UBALD2: variants seen among roughly 807,000 people sequenced by gnomAD.
UBALD2 encodes the protein UBA like domain containing 2.
A neutral mutation model predicts 15.9 loss-of-function variants in UBALD2; 8 were observed. The observed-to-expected ratio is 0.50, with a 90% CI of 0.29 to 0.91. UBALD2 has a LOEUF of 0.91. Ranked by LOEUF, UBALD2 falls within the 40% of genes least tolerant of loss-of-function variation. The pLI is 0.07. For synonymous variants in UBALD2, 113 were observed against 97.7 expected, an observed-to-expected ratio of 1.16 and a Z score of -0.93; for missense variants, 178 against 234.8, an observed-to-expected ratio of 0.76 and a Z score of 1.58.
chr17:76,270,061 T>G, intron 2 of UBALD2, 133 bp from the exon 3 acceptor site: 1 of 900,564 alleles, frequency 1.1e-6, no homozygotes. Context: ...ACTTTTGTCC[T>G]GTGGAAGCTG....
Position 76,271,281 on chromosome 17 carries a change from A to G in UBALD2, c.*776A>G, listed in dbSNP as rs1403057343. On this transcript the variant is annotated 3_prime_UTR_variant, in exon 3 of 3. Coordinates refer to ENST00000327490, the MANE Select transcript of UBALD2 (RefSeq NM_182565.4). ...GAAATTTTAATTTAAAAACTTAAAA[A>G]GAGACTTTTCTAACTTCCCTGGTTT... 10 of 152,262 alleles carry G rather than the reference A, an allele frequency of 6.6e-5. No individual in the cohort carries two copies. The highest frequency in any genetic ancestry group is 6.5e-4 in the Admixed American group (10 of 15,288). 9.4% of individuals were successfully genotyped at this position (152,262 alleles called of 1,614,324 possible). A position where few individuals can be genotyped will look rare whatever the true frequency, so the allele number is the denominator to read the frequency against.
intron 2 of UBALD2, 43 bp from the exon 3 acceptor site, chr17:76,270,151 G>C (rs1385117518): frequency 3.8e-6 from 6 of 1,592,550 alleles, no homozygotes; most frequent in Non-Finnish European, 5.1e-6. Context: ...GTGGCTCGGG[G>C]ACCCCCGAGG....
At position 76,270,112 on chromosome 17, in the gene UBALD2, G is replaced by A. The variant is rs1316090940; in HGVS notation, c.184-82G>A. 2.1e-5 allele frequency: 30 copies of A among 1,417,610 alleles called. No individual in the cohort carries two copies. In the East Asian group the frequency reaches 6.9e-4, roughly 33 times the overall value. 87.8% of individuals were successfully genotyped at this position (1,417,610 alleles called of 1,614,324 possible). On this transcript the variant is annotated intron_variant, in intron 2 of 2. Coordinates refer to ENST00000327490, the MANE Select transcript of UBALD2 (RefSeq NM_182565.4). ...ATGAAGCTGAAAAATGGGAGTAAAG[G>A]AGCGGCTGGCCTGGGTAAGCCCCAT...
chr17:76,268,827 G>T (rs1040601182), intron 2 of UBALD2, among the ~76,000 whole-genome samples: 1 of 143,394 alleles, frequency 7.0e-6, no homozygotes, highest in Non-Finnish European at 1.5e-5. Flanking sequence ...TCCACCTCCC[G>T]GGTTCAAGTG....
In UBALD2 at chr17:76,270,650, G is replaced by GT. The variant is rs1375806795; in HGVS notation, c.*146dup. 9.2e-5 allele frequency: 74 copies of GT among 803,472 alleles called. No individual in the cohort carries two copies. The highest frequency in any genetic ancestry group is 1.2e-4 in the Non-Finnish European group (69 of 557,708). 49.8% of individuals were successfully genotyped at this position (803,472 alleles called of 1,614,324 possible). On this transcript the variant is annotated 3_prime_UTR_variant, in exon 3 of 3. Transcript: ENST00000327490. ...AGATTTTATAAAAGAATTTTTGTGG[G>GT]TCGGGGGGACAGTAAACTTCCTGGG...
chr17:76,270,578 A>C lies in UBALD2; in HGVS notation c.*73A>C. On this transcript the variant is annotated 3_prime_UTR_variant, in exon 3 of 3. Coordinates refer to ENST00000327490, the MANE Select transcript of UBALD2 (RefSeq NM_182565.4). ...TTGTGGGGACACAGGAGGGCCAGGG[A>C]GGGGGGAGCCGGGGAGGGCAGGGGG... The C allele has an allele frequency of 1.8e-6, 2 of 1,113,058 alleles. No homozygotes were observed. The highest frequency in any genetic ancestry group is 1.9e-5 in the South Asian group (1 of 53,442). 68.9% of individuals were successfully genotyped at this position (1,113,058 alleles called of 1,614,324 possible). A position where few individuals can be genotyped will look rare whatever the true frequency, so the allele number is the denominator to read the frequency against.
chr17:76,270,643 T>C lies in UBALD2; in HGVS notation c.*138T>C. The C allele has an allele frequency of 1.1e-6, 1 of 878,346 alleles. No homozygotes were observed. The highest frequency in any genetic ancestry group is 1.6e-6 in the Non-Finnish European group (1 of 625,364). The allele number at this position is 878,346 out of a possible 1,614,324, so 54.4% of individuals were successfully genotyped here. ...CACTGGAAGATTTTATAAAAGAATT[T>C]TTGTGGGTCGGGGGGACAGTAAACT... On this transcript the variant is annotated 3_prime_UTR_variant, in exon 3 of 3. Coordinates refer to ENST00000327490, the MANE Select transcript of UBALD2 (RefSeq NM_182565.4).
At chr17:76,270,114 G>T in intron 2 of UBALD2, 80 bp from the exon 3 acceptor site, 1 of 1,438,446 alleles carries the variant, frequency 7.0e-7, no homozygotes, top group South Asian at 1.2e-5. Context: ...GAGTAAAGGA[G>T]CGGCTGGCCT....
In UBALD2 at chr17:76,270,543, C is replaced by T; in HGVS notation, c.*38C>T. On this transcript the variant is annotated 3_prime_UTR_variant, in exon 3 of 3. Coordinates refer to ENST00000327490, the MANE Select transcript of UBALD2 (RefSeq NM_182565.4). Reference sequence around the variant, plus strand: ...CCGGGCGCTGGGCTGGAGCTGGGGGCAGCCCAGGGTTGTGGGGACACAGGA... The same window carrying T: ...CCGGGCGCTGGGCTGGAGCTGGGGGTAGCCCAGGGTTGTGGGGACACAGGA... 1 of 1,426,874 alleles carries T rather than the reference C, an allele frequency of 7.0e-7. No homozygotes were observed. The highest frequency in any genetic ancestry group is 9.1e-7 in the Non-Finnish European group (1 of 1,094,546). The allele number at this position is 1,426,874 out of a possible 1,614,324, so 88.4% of individuals were successfully genotyped here. A position where few individuals can be genotyped will look rare whatever the true frequency, so the allele number is the denominator to read the frequency against.
chr17:76,270,583 G>A lies in UBALD2; in HGVS notation c.*78G>A, dbSNP rs958561014. ...GGGACACAGGAGGGCCAGGGAGGGG[G>A]GAGCCGGGGAGGGCAGGGGGTTTCC... is the stretch of plus-strand genomic sequence containing the variant. On this transcript the variant is annotated 3_prime_UTR_variant, in exon 3 of 3. Coordinates refer to ENST00000327490, the MANE Select transcript of UBALD2 (RefSeq NM_182565.4). The A allele has an allele frequency of 1.4e-5, 18 of 1,270,324 alleles. No individual in the cohort carries two copies. The highest frequency in any genetic ancestry group is 1.8e-5 in the South Asian group (1 of 56,102). 78.7% of individuals were successfully genotyped at this position (1,270,324 alleles called of 1,614,324 possible). A position where few individuals can be genotyped will look rare whatever the true frequency, so the allele number is the denominator to read the frequency against.
rs758209833 is a variant in UBALD2 at position 76,270,269 on chromosome 17, G to A, written c.259G>A (p.Ala87Thr). Residue 87 changes from alanine (A) to threonine (T), a missense_variant, in exon 3 of 3, where the codon GCC (alanine) becomes ACC (threonine). Ala to Thr is a moderately conservative substitution (Grantham distance 58). Transcript: ENST00000327490. ...DALAMFSKLR[A>T]SEGLQSSNSP... ...GCTGGCCATGTTCTCCAAGCTCCGCGCCTCCGAGGGCCTGCAGAGCAGCAA... is the reference window on the plus strand; with the variant it reads ...GCTGGCCATGTTCTCCAAGCTCCGCACCTCCGAGGGCCTGCAGAGCAGCAA... The A allele has an allele frequency of 9.9e-6, 16 of 1,611,888 alleles. No homozygotes were observed. The African/African-American group carries it at 1.7e-4, about 17-fold the overall frequency.
intron 2 of UBALD2, among the ~76,000 whole-genome samples, chr17:76,268,846 G>T (rs1028240888): frequency 1.3e-5 from 2 of 151,208 alleles, no homozygotes; most frequent in Admixed American, 1.3e-4. Context: ...TGATTCTCCG[G>T]CCTCAACCTC....
chr17:76,270,068 G>T, intron 2 of UBALD2, 126 bp from the exon 3 acceptor site: 4 of 963,286 alleles, frequency 4.2e-6, no homozygotes, highest in Non-Finnish European at 6.2e-6. Context: ...TCCTGTGGAA[G>T]CTGCTTGTGC....
chr17:76,270,132 C>A, intron 2 of UBALD2, 62 bp from the exon 3 acceptor site: 1 of 1,562,502 alleles, frequency 6.4e-7, no homozygotes, highest in Admixed American at 1.7e-5. Context: ...CCTGGGTAAG[C>A]CCCATCCAGT....
rs1312064673 is a variant in UBALD2 at position 76,269,430 on chromosome 17, GT to G, written c.184-761del. 6.6e-6 allele frequency among the ~76,000 whole-genome samples: 1 copy of G among 152,094 alleles called. No homozygotes were observed. The highest frequency in any genetic ancestry group is 1.9e-4 in the East Asian group (1 of 5,188). ...CAGACACAGGACATTGAAATCCCTG[GT>G]TTGTGTCCTCAAGGGGCCCAGATAT... On this transcript the variant is annotated intron_variant, in intron 2 of 2. Transcript: ENST00000327490. This position sits in a 1 kb window ranked among gnomAD's most constrained non-coding sequence, Gnocchi z 4.6.
Position 76,269,795 on chromosome 17 carries a change from C to T in UBALD2, c.184-399C>T, listed in dbSNP as rs1568097028. Among the ~76,000 whole-genome samples, 1 of 152,152 alleles carries T rather than the reference C, an allele frequency of 6.6e-6. No homozygotes were observed. The highest frequency in any genetic ancestry group is 2.4e-5 in the African/African-American group (1 of 41,438). On this transcript the variant is annotated intron_variant, in intron 2 of 2. Transcript: ENST00000327490. The surrounding 1 kb of genome is among the most constrained non-coding windows in gnomAD (Gnocchi z 4.6). ...CTGGCCGCTCTCCCTTGCCTAGCAG[C>T]CTGGGAGCATCTGAGGGTGGCTGGT... is the stretch of plus-strand genomic sequence containing the variant.
At position 76,270,754 on chromosome 17, in the gene UBALD2, TA is replaced by T; in HGVS notation, c.*252del. ...TATAACTATAATATATATGAATAGA[TA>T]AATATAACTAATGTGCGTGAGAATG... On this transcript the variant is annotated 3_prime_UTR_variant, in exon 3 of 3. Coordinates refer to ENST00000327490, the MANE Select transcript of UBALD2 (RefSeq NM_182565.4). 3.0e-6 allele frequency: 1 copy of T among 338,974 alleles called. No individual in the cohort carries two copies. The highest frequency in any genetic ancestry group is 4.8e-5 in the East Asian group (1 of 20,726). The allele number at this position is 338,974 out of a possible 1,614,324, so 21.0% of individuals were successfully genotyped here. A position where few individuals can be genotyped will look rare whatever the true frequency, so the allele number is the denominator to read the frequency against.
Position 76,265,638 on chromosome 17 carries a change from C to A in UBALD2, c.120+13C>A. On this transcript the variant is annotated intron_variant, in intron 1 of 2. Coordinates refer to ENST00000327490, the MANE Select transcript of UBALD2 (RefSeq NM_182565.4). The stretch of plus-strand genomic sequence containing the variant: ...CTGGCAGTTCGAGGTGCGAGCCTGG[C>A]CGCCGCGGGGCCGGGCCGCGGGGGT... 8.5e-7 allele frequency: 1 copy of A among 1,175,882 alleles called. No individual in the cohort carries two copies. The highest frequency in any genetic ancestry group is 4.2e-5 in the Admixed American group (1 of 23,896). The allele number at this position is 1,175,882 out of a possible 1,614,324, so 72.8% of individuals were successfully genotyped here. A position where few individuals can be genotyped will look rare whatever the true frequency, so the allele number is the denominator to read the frequency against.
Position 76,265,481 on chromosome 17 carries a change from G to C in UBALD2, c.-25G>C. On this transcript the variant is annotated 5_prime_UTR_variant, in exon 1 of 3. Coordinates refer to ENST00000327490, the MANE Select transcript of UBALD2 (RefSeq NM_182565.4). ...CCCGCGTCTGCGTCCGGCCGGAGACGCCGGGCCCCGCGCCGCGCCGCGCCA... is the reference window on the plus strand; with the variant it reads ...CCCGCGTCTGCGTCCGGCCGGAGACCCCGGGCCCCGCGCCGCGCCGCGCCA... 1 of 1,117,678 alleles carries C rather than the reference G, an allele frequency of 8.9e-7. No homozygotes were observed. The highest frequency in any genetic ancestry group is 1.1e-6 in the Non-Finnish European group (1 of 904,420). 69.2% of individuals were successfully genotyped at this position (1,117,678 alleles called of 1,614,324 possible).
Sources: gnomAD v4.1 joint callset for allele counts (sites outside exome capture counted in the v4.1 genomes callset) on GRCh38, gnomAD v4.1.1 for gene constraint, Gnocchi (gnomAD v3.1) non-coding constraint, MANE v1.5 for transcripts, NCBI Gene and HGNC (gene_info 2026-07-23, HGNC 2026-07-21) for gene names.